The following PDE4D variants were observed in gnomAD, a reference collection of about 807,000 sequenced individuals.
PDE4D encodes the protein 3',5'-cyclic-AMP phosphodiesterase 4D.
A neutral mutation model predicts 87.4 loss-of-function variants in PDE4D; 24 were observed. That is an observed-to-expected ratio of 0.27 (90% CI 0.20 to 0.39). PDE4D has a LOEUF of 0.39. Among genes scored for constraint, PDE4D ranks in the 10% least tolerant of loss-of-function variants. The pLI is 1.00. For missense variants in PDE4D, 714 were observed against 1,041.0 expected (o/e 0.69, Z 4.32); for synonymous variants, 384 against 383.2 (o/e 1.00, Z -0.02).
intron 1 of PDE4D, among the ~76,000 whole-genome samples, chr5:59,269,792 T>C (rs1173314340): frequency 1.3e-5 from 2 of 152,064 alleles, no homozygotes; most frequent in Admixed American, 6.6e-5. Flanking sequence ...ATATATTGAA[T>C]TTATATATGA....
At chr5:59,523,280 T>C (rs1812544670) in intron 1 of PDE4D, among the ~76,000 whole-genome samples, 1 of 152,252 alleles carries the variant, frequency 6.6e-6, no homozygotes, top group Non-Finnish European at 1.5e-5. Flanking sequence ...CTGAAAATTA[T>C]AGGGATGTTT....
intron 1 of PDE4D, among the ~76,000 whole-genome samples, chr5:59,819,442 ATGT>A (rs1442506594): frequency 6.6e-6 from 1 of 151,970 alleles, no homozygotes; most frequent in African/African-American, 2.4e-5. Context: ...TTTTTTCAAC[ATGT>A]TGTCATCAGA....
chr5:60,359,776 T>G (rs1021895165), intron 1 of PDE4D, among the ~76,000 whole-genome samples: 5 of 152,194 alleles, frequency 3.3e-5, no homozygotes, highest in African/African-American at 1.2e-4. Context: ...TGTGCACTAA[T>G]ATTATGGAAT....
intron 1 of PDE4D, among the ~76,000 whole-genome samples, chr5:60,326,223 T>C (rs1756779635): frequency 6.6e-6 from 1 of 152,170 alleles, no homozygotes; most frequent in African/African-American, 2.4e-5. Flanking sequence ...CTTACATGTT[T>C]AGTTTTTTAA....
chr5:59,279,045 G>A, intron 1 of PDE4D, among the ~76,000 whole-genome samples: 1 of 152,102 alleles, frequency 6.6e-6, no homozygotes, highest in Non-Finnish European at 1.5e-5. Context: ...GTTTTCTCAA[G>A]TATTACTATT....
intron 9 of PDE4D, among the ~76,000 whole-genome samples, chr5:58,990,356 T>C (rs1161286702): frequency 6.6e-6 from 1 of 151,896 alleles, no homozygotes; most frequent in Admixed American, 6.6e-5. Flanking sequence ...CACCCTAAGC[T>C]GGAGCAAAGG....
chr5:59,504,391 G>C (rs899446257), intron 1 of PDE4D, among the ~76,000 whole-genome samples: 1 of 152,082 alleles, frequency 6.6e-6, no homozygotes, highest in Non-Finnish European at 1.5e-5. Context: ...GCATAACTGA[G>C]GTTCAAAAGG....
chr5:59,718,626 G>T (rs118164190), intron 1 of PDE4D, among the ~76,000 whole-genome samples: 15 of 152,236 alleles, frequency 9.9e-5, no homozygotes, highest in African/African-American at 3.6e-4. Context: ...CCTTTGCAGA[G>T]CTATAAACCA....
chr5:59,324,586 A>G lies in PDE4D; in HGVS notation c.456-108618T>C, dbSNP rs547150383. On this transcript the variant is annotated intron_variant, in intron 1 of 14. Transcript: ENST00000340635. ...CGTAAAAAGAAGATCCTCTTTTCTG[A>G]CTGGCCATAGTTATCTGCATGTAAT... 3.3e-5 allele frequency among the ~76,000 whole-genome samples: 5 copies of G among 152,252 alleles called. No individual in the cohort carries two copies. The East Asian group carries it at 9.7e-4, about 29-fold the overall frequency.
chr5:60,503,628 C>T (rs1750196350), intron 1 of PDE4D, among the ~76,000 whole-genome samples: 1 of 152,068 alleles, frequency 6.6e-6, no homozygotes, highest in Admixed American at 6.6e-5. Flanking sequence ...GTTTATTATT[C>T]ATGTCAAGGC....
At chr5:59,089,285 C>A (rs967320166) in intron 5 of PDE4D, among the ~76,000 whole-genome samples, 1 of 74,050 alleles carries the variant, frequency 1.4e-5, no homozygotes, top group Admixed American at 1.6e-4. Context: ...GCTCTGACTA[C>A]AATACTGATT....
At chr5:59,996,500 T>C (rs890089921) in intron 2 of PDE4D, among the ~76,000 whole-genome samples, 6 of 152,204 alleles carry the variant, frequency 3.9e-5, no homozygotes, top group African/African-American at 1.2e-4. Flanking sequence ...TATATGCCAA[T>C]AGCAGACATT....
chr5:59,818,850 G>T (rs1229278861), intron 1 of PDE4D, among the ~76,000 whole-genome samples: 1 of 136,772 alleles, frequency 7.3e-6, no homozygotes, highest in Non-Finnish European at 1.6e-5. Context: ...CCCTGGGGAA[G>T]AGCAAAAAAA....
At chr5:59,031,390 TATTATATATATATATATATATATATAG>T (rs1385429900) in intron 6 of PDE4D, among the ~76,000 whole-genome samples, 3 of 45,248 alleles carry the variant, frequency 6.6e-5, no homozygotes, top group Non-Finnish European at 3.6e-5. Flanking sequence ...TATATATATA[TATTATATATATATATATATATATATAG>T]ATTATACAGG....
At chr5:60,511,181 A>G (rs1019510176) in intron 1 of PDE4D, among the ~76,000 whole-genome samples, 6 of 151,966 alleles carry the variant, frequency 3.9e-5, no homozygotes, top group Non-Finnish European at 1.5e-5. Context: ...TGTTGACCAC[A>G]CTGGTCTCGA....
At chr5:60,167,161 T>C (rs1782982893) in intron 2 of PDE4D, among the ~76,000 whole-genome samples, 1 of 152,160 alleles carries the variant, frequency 6.6e-6, no homozygotes, top group Non-Finnish European at 1.5e-5. Context: ...TTTTTCTTCT[T>C]CTTGACACCA....
At chr5:59,014,316 GAAAC>G (rs1443294377) in intron 6 of PDE4D, among the ~76,000 whole-genome samples, 1 of 152,148 alleles carries the variant, frequency 6.6e-6, no homozygotes, top group Non-Finnish European at 1.5e-5. Flanking sequence ...GCAGGAGAAA[GAAAC>G]AAAGGGTATT....
At chr5:59,746,917 TCA>T (rs1759694557) in intron 1 of PDE4D, among the ~76,000 whole-genome samples, 1 of 152,142 alleles carries the variant, frequency 6.6e-6, no homozygotes, top group Admixed American at 6.6e-5. Flanking sequence ...TCTTTGTAAC[TCA>T]CATCATTAAT....
intron 1 of PDE4D, among the ~76,000 whole-genome samples, chr5:59,266,478 A>G (rs1054902030): frequency 4.6e-5 from 7 of 151,894 alleles, no homozygotes; most frequent in Non-Finnish European, 1.0e-4. Flanking sequence ...TTATGGTGCT[A>G]CTAACTGGTC....
Sources: allele counts gnomAD v4.1 joint callset (sites outside exome capture counted in the v4.1 genomes callset), GRCh38; gene constraint gnomAD v4.1.1; transcripts MANE v1.5; gene names NCBI Gene and HGNC (gene_info 2026-07-23, HGNC 2026-07-21).